The following PPARGC1A variants were observed in gnomAD, a reference collection of about 807,000 sequenced individuals.
PPARGC1A encodes the protein PPARG coactivator 1 alpha, also known as peroxisome proliferator-activated receptor gamma coactivator 1-alpha.
Under a neutral mutation model 88.7 loss-of-function variants are expected in PPARGC1A, and 25 were observed. That is an observed-to-expected ratio of 0.28 (90% CI 0.21 to 0.39). The LOEUF is 0.39. Among genes scored for constraint, PPARGC1A ranks in the 10% least tolerant of loss-of-function variants. The pLI is 1.00. For synonymous variants in PPARGC1A, 363 were observed against 355.6 expected, an observed-to-expected ratio of 1.02 and a Z score of -0.24; for missense variants, 880 against 968.7, an observed-to-expected ratio of 0.91 and a Z score of 1.22.
the PPARGC1A span, among the ~76,000 whole-genome samples, chr4:24,099,499 A>G: frequency 1.3e-5 from 2 of 152,140 alleles, no homozygotes; most frequent in South Asian, 4.1e-4. Flanking sequence ...AGGAGCACGG[A>G]TGGGATGAAA....
chr4:23,899,801 G>C (rs911588700), upstream of PPARGC1A, among the ~76,000 whole-genome samples: 3 of 152,150 alleles, frequency 2.0e-5, no homozygotes, highest in African/African-American at 7.2e-5. Context: ...CAGTCAACCG[G>C]GAGGAAGGCT....
chr4:24,365,625 G>A, the PPARGC1A span, among the ~76,000 whole-genome samples: 5 of 152,152 alleles, frequency 3.3e-5, no homozygotes, highest in African/African-American at 1.2e-4. Flanking sequence ...CACAGGTGCA[G>A]CTGTATTGTT....
At chr4:24,308,757 C>T in the PPARGC1A span, among the ~76,000 whole-genome samples, 1 of 152,058 alleles carries the variant, frequency 6.6e-6, no homozygotes, top group African/African-American at 2.4e-5. Context: ...AGGGAAGTTT[C>T]CTACTCCTTA....
the PPARGC1A span, among the ~76,000 whole-genome samples, chr4:24,373,836 C>T: frequency 6.6e-6 from 1 of 152,178 alleles, no homozygotes; most frequent in South Asian, 2.1e-4. Flanking sequence ...TTTTCACTTT[C>T]TGTGTTGACA....
chr4:24,020,974 T>C, the PPARGC1A span, among the ~76,000 whole-genome samples: 1 of 152,192 alleles, frequency 6.6e-6, no homozygotes, highest in Non-Finnish European at 1.5e-5. Context: ...TGGCTTAGCA[T>C]TGGTGAGGCT....
the PPARGC1A span, among the ~76,000 whole-genome samples, chr4:24,116,545 G>T: frequency 6.6e-6 from 1 of 152,322 alleles, no homozygotes; most frequent in East Asian, 1.9e-4. Flanking sequence ...GTGGAAGACA[G>T]TTCCTTTAAT....
At chr4:24,424,334 G>A in the PPARGC1A span, among the ~76,000 whole-genome samples, 1 of 131,240 alleles carries the variant, frequency 7.6e-6, no homozygotes, top group Non-Finnish European at 1.5e-5. Context: ...CGAGTGCCCT[G>A]GAGCGATCTC....
chr4:24,383,766 G>C, the PPARGC1A span, among the ~76,000 whole-genome samples: 2 of 152,214 alleles, frequency 1.3e-5, no homozygotes, highest in Admixed American at 1.3e-4. Flanking sequence ...GTACCTGAAA[G>C]TGATGGGGAG....
chr4:24,002,147 G>A, the PPARGC1A span, among the ~76,000 whole-genome samples: 1 of 149,690 alleles, frequency 6.7e-6, no homozygotes, highest in Admixed American at 6.7e-5. Context: ...AAACATTTCT[G>A]GAAGTGGAAG....
chr4:24,085,343 A>C, the PPARGC1A span, among the ~76,000 whole-genome samples: 1 of 152,238 alleles, frequency 6.6e-6, no homozygotes, highest in South Asian at 2.1e-4. Context: ...CAGTAATAAA[A>C]GTTATTTAAA....
In PPARGC1A at chr4:23,798,181, G is replaced by C. The variant is rs188076691; in HGVS notation, c.2294-2256C>G. Among the ~76,000 whole-genome samples the C allele has an allele frequency of 7.2e-5, 11 of 152,144 alleles. 1 individual carries two copies. The East Asian group carries it at 2.1e-3, about 29-fold the overall frequency. On this transcript the variant is annotated intron_variant, in intron 12 of 12. Transcript: ENST00000264867. ...TTCAGACTCAGCCCGCCTGCACCCA[G>C]GTGAAATAAACAGCTTTACTGCTCA... is the stretch of plus-strand genomic sequence containing the variant.
At chr4:24,218,162 T>C in the PPARGC1A span, among the ~76,000 whole-genome samples, 2 of 152,226 alleles carry the variant, frequency 1.3e-5, no homozygotes, top group Non-Finnish European at 2.9e-5. Flanking sequence ...GAGACCTGTT[T>C]AATCTAAAAT....
At chr4:23,835,466 TTGTGTGTGTGTGTGTGTG>T (rs145407468) in intron 2 of PPARGC1A, among the ~76,000 whole-genome samples, 5 of 135,294 alleles carry the variant, frequency 3.7e-5, no homozygotes, top group Admixed American at 1.5e-4. Flanking sequence ...GCATGGCGGC[TTGTGTGTGTGTGTGTGTG>T]TGTGTGTGTG....
At chr4:24,177,304 A>C in the PPARGC1A span, among the ~76,000 whole-genome samples, 5 of 151,936 alleles carry the variant, frequency 3.3e-5, no homozygotes, top group Admixed American at 6.6e-5. Flanking sequence ...TGATGAGTTC[A>C]TGTCCTTTGT....
At chr4:23,870,938 G>GT (rs367777718) in intron 2 of PPARGC1A, among the ~76,000 whole-genome samples, 2,291 of 139,218 alleles carry the variant, frequency 0.016, 26 homozygotes, top group East Asian at 0.026. Flanking sequence ...TGGTATCCGT[G>GT]TTTTTTTTTT....
At chr4:24,056,168 C>A in the PPARGC1A span, among the ~76,000 whole-genome samples, 2 of 152,184 alleles carry the variant, frequency 1.3e-5, no homozygotes, top group Non-Finnish European at 2.9e-5. Flanking sequence ...GCAGAAGTTT[C>A]ACAGGTGGGA....
the PPARGC1A span, among the ~76,000 whole-genome samples, chr4:23,949,204 A>C: frequency 1.7e-4 from 26 of 152,294 alleles, no homozygotes; most frequent in Admixed American, 5.9e-4. Flanking sequence ...TACTACATAC[A>C]TAGATGAAGT....
chr4:24,050,487 C>T, the PPARGC1A span, among the ~76,000 whole-genome samples: 1 of 151,990 alleles, frequency 6.6e-6, no homozygotes, highest in Admixed American at 6.6e-5. Flanking sequence ...TGAGCTACTG[C>T]GCCTGGCTTT....
chr4:24,168,712 T>G, the PPARGC1A span, among the ~76,000 whole-genome samples: 1 of 151,912 alleles, frequency 6.6e-6, no homozygotes. Flanking sequence ...ACTGAAAGAA[T>G]TTTCCCAATG....
Sources: gnomAD v4.1 joint callset for allele counts (sites outside exome capture counted in the v4.1 genomes callset) on GRCh38, gnomAD v4.1.1 for gene constraint, MANE v1.5 for transcripts, NCBI Gene and HGNC (gene_info 2026-07-23, HGNC 2026-07-21) for gene names.